PRSS36: variants seen among roughly 807,000 people sequenced by gnomAD.
PRSS36 encodes polyserase-2.
PRSS36 carries 90 observed loss-of-function variants against 94.3 expected under a neutral mutation model. The ratio of observed to expected loss-of-function variants is 0.95; its 90% confidence interval spans 0.80 to 1.14. The LOEUF is 1.14. Among genes scored for constraint, PRSS36 ranks in the 50% most tolerant of loss-of-function variants. The pLI, the probability that PRSS36 is intolerant of heterozygous loss-of-function variation, is 0.00. For missense variants in PRSS36, 1,158 were observed against 1,135.0 expected (o/e 1.02, Z -0.29); for synonymous variants, 500 against 489.6 (o/e 1.02, Z -0.28).
rs2057636085 is a variant in PRSS36, at chr16:31,139,055, C to T, written c.*83G>A. 7.5e-6 allele frequency: 11 copies of T among 1,458,552 alleles called. No individual in the cohort carries two copies. Among genetic ancestry groups the T allele is most frequent in the Non-Finnish European group, 1.0e-5 (11 of 1,090,366 alleles). The allele number at this position is 1,458,552 out of a possible 1,614,324, so 90.4% of individuals were successfully genotyped here. Reference sequence around the variant, plus strand: ...TCGGTGGGTGGGGCCCTTGAGGTTCCAGCCGGCTGGGCCACATTCCAGCCC... The same window carrying T: ...TCGGTGGGTGGGGCCCTTGAGGTTCTAGCCGGCTGGGCCACATTCCAGCCC... On this transcript the variant is annotated 3_prime_UTR_variant, in exon 15 of 15. Transcript: ENST00000268281.
At chr16:31,146,418 GTCTTGGCA>G (rs1455571236) in intron 5 of PRSS36, among the ~76,000 whole-genome samples, 3 of 152,062 alleles carry the variant, frequency 2.0e-5, no homozygotes. Flanking sequence ...CATTTGTGAC[GTCTTGGCA>G]TTCTAAACAA....
intron 6 of PRSS36, among the ~76,000 whole-genome samples, chr16:31,145,113 T>C (rs1841696574): frequency 6.6e-6 from 1 of 151,684 alleles, no homozygotes; most frequent in African/African-American, 2.4e-5. Flanking sequence ...CTCACTCCTG[T>C]AATCCCAGCA....
intron 4 of PRSS36, 77 bp downstream of exon 4, chr16:31,148,996 G>T: frequency 7.1e-7 from 1 of 1,401,206 alleles, no homozygotes; most frequent in Non-Finnish European, 9.6e-7. Context: ...CGGAAGTGGG[G>T]CGGGAGGAGG....
rs772365748 is a variant in PRSS36, at chr16:31,148,623, A to G, written c.325T>C (p.Ser109Pro). 1 of 1,612,116 alleles carries G rather than the reference A, an allele frequency of 6.2e-7. No homozygotes were observed. Among genetic ancestry groups the G allele is most frequent in the Non-Finnish European group, 8.5e-7 (1 of 1,179,626 alleles). ...GCGCCGTCCAGGGGCCCGTCCTGGG[A>G]GTGCACGCCCAGCAGTACCGACCAC... is the stretch of plus-strand genomic sequence containing the variant. ...AEWSVLLGVH[S>P]QDGPLDGAHT... is the part of the protein sequence containing the mutation. The change falls in exon 5 of 15, where the codon TCC becomes CCC. Residue 109 changes from serine (S) to proline (P), a missense_variant. By Grantham distance (74) the Ser-to-Pro change is moderately conservative. Transcript: ENST00000268281.
At chr16:31,140,246 C>T in intron 14 of PRSS36, 48 bp downstream of exon 14, 1 of 1,556,242 alleles carries the variant, frequency 6.4e-7, no homozygotes, top group Non-Finnish European at 8.7e-7. Context: ...TACAGTAGTC[C>T]AACACTGCCT....
Position 31,143,457 on chromosome 16 carries a change from G to C in PRSS36, c.985C>G (p.Pro329Ala). The change falls in exon 8 of 15, where the codon CCG (proline) becomes GCG (alanine). Residue 329 changes from proline (P) to alanine (A), a missense_variant. By Grantham distance (27) the Pro-to-Ala change is conservative (BLOSUM62 -1). Coordinates refer to ENST00000268281, the MANE Select transcript of PRSS36 (RefSeq NM_173502.5). ...TCCCAGGGCCAGGCCCCTGGCCGCG[G>C]GGCCTTCCCGCACTCTGAGGGGTGA... The part of the protein sequence containing the change: ...TIALPECGKA[P>A]RPGAWPWEAQ... 6.2e-7 allele frequency: 1 copy of C among 1,609,502 alleles called. No individual in the cohort carries two copies. The highest frequency in any genetic ancestry group is 8.5e-7 in the Non-Finnish European group (1 of 1,177,952).
rs2057701041 is a variant in PRSS36 at position 31,141,943 on chromosome 16, G to A, written c.1539C>T (p.Ser513=). 1 of 1,614,066 alleles carries A rather than the reference G, an allele frequency of 6.2e-7. No individual in the cohort carries two copies. The highest frequency in any genetic ancestry group is 8.5e-7 in the Non-Finnish European group (1 of 1,179,990). ...VGSCWNDSRW[S]LLCQEEGTWF... is the part of the protein sequence containing the mutation. ...AGGTCCCCTCCTCCTGGCACAAAAGGCTCCAACGCGAGTCATTCTGCAGCA... is the reference window on the plus strand; with the variant it reads ...AGGTCCCCTCCTCCTGGCACAAAAGACTCCAACGCGAGTCATTCTGCAGCA... The change falls in exon 11 of 15, where the codon AGC becomes AGT. Residue 513 remains serine (S), a synonymous_variant. Transcript: ENST00000268281.
rs2057720115 is a variant in PRSS36 at position 31,142,556 on chromosome 16, TGCC to T, written c.1443_1445del (p.Ala482del). On this transcript the variant is annotated inframe_deletion, in exon 10 of 15. Transcript: ENST00000268281. ...GCGGCGGGTCTCCGGGCAGCGGTAC[TGCC>T]GCCCCCTGGCGGCCGTACAGGCAGT... The T allele has an allele frequency of 6.6e-7, 1 of 1,525,608 alleles. No homozygotes were observed. 94.5% of individuals were successfully genotyped at this position (1,525,608 alleles called of 1,614,324 possible). A position where few individuals can be genotyped will look rare whatever the true frequency, so the allele number is the denominator to read the frequency against.
chr16:31,148,518 G>A lies in PRSS36; in HGVS notation c.430C>T (p.Arg144Cys), dbSNP rs1011773123. The change falls in exon 5 of 15, where the codon CGC becomes TGC. Residue 144 changes from arginine to cysteine, a missense_variant. Arg to Cys is a radical substitution (Grantham distance 180, BLOSUM62 -3). Coordinates refer to ENST00000268281, the MANE Select transcript of PRSS36 (RefSeq NM_173502.5). ...VELGADLALL[R>C]LASPASLGPA... ...CCCAGGCTGGCGGGTGAGGCCAGGC[G>A]CAGCAGGGCCAGGTCGGCGCCCAGC... The A allele has an allele frequency of 3.2e-6, 5 of 1,586,766 alleles. No homozygotes were observed. Among genetic ancestry groups the A allele is most frequent in the South Asian group, 1.1e-5 (1 of 89,488 alleles).
At chr16:31,148,845 G>GA (rs1394316958) in intron 4 of PRSS36, 170 bp from the exon 5 acceptor site, 1 of 1,005,526 alleles carries the variant, frequency 9.9e-7, no homozygotes, top group African/African-American at 1.6e-5. Flanking sequence ...TGGTGGGGGG[G>GA]TCATTGGAAA....
intron 2 of PRSS36, 81 bp from the exon 3 acceptor site, chr16:31,149,579 C>A: frequency 2.5e-6 from 4 of 1,604,528 alleles, no homozygotes; most frequent in Non-Finnish European, 3.4e-6. Flanking sequence ...TGCTCTCCAA[C>A]CCCCGACCCT....
At position 31,142,753 on chromosome 16, in the gene PRSS36, G is replaced by A; in HGVS notation, c.1341C>T (p.Ala447=). The part of the protein sequence containing the change: ...YFLPGSRCRL[A]RWGRGEPALG... ...CCAGCTCACCCCCGCGGCCCCAGCGGGCCAGGCGGCAGCGGCTCCCGGGCA... is the reference window on the plus strand; with the variant it reads ...CCAGCTCACCCCCGCGGCCCCAGCGAGCCAGGCGGCAGCGGCTCCCGGGCA... Residue 447 remains alanine (A), a synonymous_variant, in exon 9 of 15, where the codon GCC becomes GCT. Coordinates refer to ENST00000268281, the MANE Select transcript of PRSS36 (RefSeq NM_173502.5). 1.4e-6 allele frequency: 2 copies of A among 1,396,162 alleles called. No individual in the cohort carries two copies. The highest frequency in any genetic ancestry group is 1.9e-6 in the Non-Finnish European group (2 of 1,070,678). The allele number at this position is 1,396,162 out of a possible 1,614,324, so 86.5% of individuals were successfully genotyped here.
In PRSS36 at chr16:31,144,310, G is replaced by T. The variant is rs192838669; in HGVS notation, c.721-473C>A. 5.7e-3 allele frequency among the ~76,000 whole-genome samples: 872 copies of T among 152,154 alleles called. 3 individuals are homozygous for T. The highest frequency in any genetic ancestry group is 0.01 in the Non-Finnish European group (707 of 68,024). ...CTGCCTCAGCTTCCCGAGTAGCTGG[G>T]ACTACAGGTGTACACCACCACAGCC... On this transcript the variant is annotated intron_variant, in intron 6 of 14. Transcript: ENST00000268281.
At chr16:31,144,206 G>A (rs568209691) in intron 6 of PRSS36, among the ~76,000 whole-genome samples, 1 of 150,716 alleles carries the variant, frequency 6.6e-6, no homozygotes, top group East Asian at 2.0e-4. Flanking sequence ...ACGGAATCTC[G>A]CTCTGTCTCC....
chr16:31,146,390 C>G (rs2057799950), intron 5 of PRSS36, among the ~76,000 whole-genome samples: 1 of 152,122 alleles, frequency 6.6e-6, no homozygotes, highest in South Asian at 2.1e-4. Flanking sequence ...AGTCAGTTCC[C>G]AGTTCATGAA....
chr16:31,138,979 G>A lies in PRSS36; in HGVS notation c.*159C>T. ...TCCCACCACCCCCAAGGATTCCTGG[G>A]TTCAAAATAGCCCGGGCACTGAGGC... On this transcript the variant is annotated 3_prime_UTR_variant, in exon 15 of 15. Coordinates refer to ENST00000268281, the MANE Select transcript of PRSS36 (RefSeq NM_173502.5). 2.6e-6 allele frequency: 2 copies of A among 770,904 alleles called. No individual in the cohort carries two copies. Among genetic ancestry groups the A allele is most frequent in the South Asian group, 2.0e-5 (1 of 49,034 alleles). The allele number at this position is 770,904 out of a possible 1,614,324, so 47.8% of individuals were successfully genotyped here.
chr16:31,147,110 C>A (rs1418132561), intron 5 of PRSS36, among the ~76,000 whole-genome samples: 1 of 152,122 alleles, frequency 6.6e-6, no homozygotes, highest in Non-Finnish European at 1.5e-5. Flanking sequence ...GTGGGGTGCT[C>A]TGGCCCTCAG....
chr16:31,141,389 A>AAACAAACC, intron 12 of PRSS36, 80 bp downstream of exon 12: 2 of 1,479,204 alleles, frequency 1.4e-6, no homozygotes, highest in South Asian at 1.3e-5. Flanking sequence ...ACAAACAAAC[A>AAACAAACC]AACAAATAAC....
In PRSS36 at chr16:31,142,879, C is replaced by T. The variant is rs369650326; in HGVS notation, c.1215G>A (p.Trp405Ter). ...ARLVQHENAS[W>*]DNASDLALLQ... ...GCAGCGCCAGGTCCGAGGCGTTGTC[C>T]CACGAAGCGTTCTCGTGCTGCACCA... Residue 405 changes from tryptophan to a stop codon, truncating the protein, a stop_gained, in exon 9 of 15, where the codon TGG (tryptophan) becomes TGA (stop). Transcript: ENST00000268281. LOFTEE classifies it high-confidence loss of function. The T allele has an allele frequency of 3.8e-6, 6 of 1,560,900 alleles. No individual in the cohort carries two copies. The highest frequency in any genetic ancestry group is 5.2e-6 in the Non-Finnish European group (6 of 1,158,742).
Sources: allele counts gnomAD v4.1 joint callset (sites outside exome capture counted in the v4.1 genomes callset), GRCh38; gene constraint gnomAD v4.1.1; transcripts MANE v1.5; gene names NCBI Gene and HGNC (gene_info 2026-07-23, HGNC 2026-07-21).